Variants in CAMK4 observed in about 807,000 individuals in gnomAD.
CAMK4 encodes calcium/calmodulin dependent protein kinase IV.
Under a neutral mutation model 44.9 loss-of-function variants are expected in CAMK4, and 22 were observed. The ratio of observed to expected loss-of-function variants is 0.49; its 90% CI spans 0.35 to 0.70. CAMK4 has a LOEUF of 0.70. CAMK4 is among the 30% of genes least tolerant of loss of function. The probability of loss-of-function intolerance (pLI) is 0.01; values close to 1 mark genes in which losing one functional copy is unlikely to be tolerated. For synonymous variants in CAMK4, 218 were observed against 215.4 expected (o/e 1.01, Z -0.11); for missense variants, 498 against 586.8 (o/e 0.85, Z 1.56).
At chr5:111,448,293 C>T (rs530856545) in intron 6 of CAMK4, among the ~76,000 whole-genome samples, 1 of 152,148 alleles carries the variant, frequency 6.6e-6, no homozygotes, top group South Asian at 2.1e-4. Context: ...AAGTGAAATA[C>T]ATTGGAGACT....
intron 1 of CAMK4, among the ~76,000 whole-genome samples, chr5:111,252,437 C>G (rs1749544871): frequency 6.6e-6 from 1 of 152,080 alleles, no homozygotes; most frequent in Non-Finnish European, 1.5e-5. Context: ...TATGATATGA[C>G]CAGCATTTTC....
chr5:111,350,632 C>T (rs901089764), intron 2 of CAMK4, among the ~76,000 whole-genome samples: 1 of 151,886 alleles, frequency 6.6e-6, no homozygotes, highest in Non-Finnish European at 1.5e-5. Flanking sequence ...AATAGAAAAA[C>T]GGTTCCAGGT....
intron 1 of CAMK4, among the ~76,000 whole-genome samples, chr5:111,296,088 A>G (rs1382673528): frequency 1.3e-5 from 2 of 152,228 alleles, no homozygotes; most frequent in Non-Finnish European, 2.9e-5. Flanking sequence ...AAAACAAGTA[A>G]TAGCCCACAT....
chr5:111,234,342 A>C (rs1748619323), intron 1 of CAMK4, among the ~76,000 whole-genome samples: 1 of 152,146 alleles, frequency 6.6e-6, no homozygotes, highest in African/African-American at 2.4e-5. Context: ...TTTTGATAAG[A>C]ACTTACTGCC....
intron 1 of CAMK4, among the ~76,000 whole-genome samples, chr5:111,257,301 A>G (rs1213687179): frequency 6.6e-6 from 1 of 152,244 alleles, no homozygotes; most frequent in Non-Finnish European, 1.5e-5. Flanking sequence ...AAACAAATTT[A>G]CAAGAAAAAA....
chr5:111,321,250 A>G (rs1269887644), intron 1 of CAMK4, among the ~76,000 whole-genome samples: 8 of 152,122 alleles, frequency 5.3e-5, no homozygotes, highest in East Asian at 1.9e-4. Context: ...GGTCTCACCA[A>G]TGCTGCTGGA....
chr5:111,350,917 C>A (rs917875361), intron 2 of CAMK4, among the ~76,000 whole-genome samples: 1 of 152,022 alleles, frequency 6.6e-6, no homozygotes, highest in Non-Finnish European at 1.5e-5. Flanking sequence ...TGTTGCAGGG[C>A]AATCTGAAGA....
At chr5:111,286,273 A>G (rs763575785) in intron 1 of CAMK4, among the ~76,000 whole-genome samples, 2 of 152,212 alleles carry the variant, frequency 1.3e-5, no homozygotes, top group African/African-American at 2.4e-5. Context: ...AAATAGAGCT[A>G]CAGAGAGAGT....
chr5:111,261,663 A>C (rs1749983693), intron 1 of CAMK4, among the ~76,000 whole-genome samples: 1 of 151,846 alleles, frequency 6.6e-6, no homozygotes, highest in Non-Finnish European at 1.5e-5. Flanking sequence ...TATCATGCAA[A>C]AGTTGGAGAG....
At chr5:111,328,490 G>A (rs534151980) in intron 1 of CAMK4, among the ~76,000 whole-genome samples, 1 of 152,176 alleles carries the variant, frequency 6.6e-6, no homozygotes, top group South Asian at 2.1e-4. Flanking sequence ...ACTTGGCGAT[G>A]CGGGCTCTTT....
intron 5 of CAMK4, among the ~76,000 whole-genome samples, chr5:111,419,938 G>A (rs1161108206): frequency 6.6e-6 from 1 of 152,078 alleles, no homozygotes; most frequent in Non-Finnish European, 1.5e-5. Context: ...CTCTTTTTTG[G>A]TTCCATATGA....
At chr5:111,437,105 C>T (rs1753672944) in intron 5 of CAMK4, among the ~76,000 whole-genome samples, 1 of 152,134 alleles carries the variant, frequency 6.6e-6, no homozygotes, top group Non-Finnish European at 1.5e-5. Flanking sequence ...ACTCAATAAG[C>T]ACCACTGAGG....
At chr5:111,374,762 C>A in intron 2 of CAMK4, 88 bp from the exon 3 acceptor site, 1 of 802,200 alleles carries the variant, frequency 1.2e-6, no homozygotes, top group South Asian at 1.4e-5. Flanking sequence ...TTGCCTGATT[C>A]ACCCAGGTAG....
intron 5 of CAMK4, 56 bp from the exon 6 acceptor site, chr5:111,446,630 C>T (rs981392205): frequency 4.7e-6 from 4 of 859,676 alleles, no homozygotes; most frequent in African/African-American, 3.4e-5. Context: ...TAAGTATAGA[C>T]ATTCGAACCA....
intron 7 of CAMK4, among the ~76,000 whole-genome samples, chr5:111,450,169 A>G (rs946551652): frequency 6.6e-5 from 10 of 152,048 alleles, no homozygotes; most frequent in African/African-American, 2.2e-4. Context: ...AAAAAAATAA[A>G]TAAAATAAAA....
At chr5:111,244,380 T>G (rs1749140505) in intron 1 of CAMK4, among the ~76,000 whole-genome samples, 1 of 152,206 alleles carries the variant, frequency 6.6e-6, no homozygotes, top group Non-Finnish European at 1.5e-5. Context: ...GTGTTCACCT[T>G]GTAAAAAATC....
In CAMK4 at chr5:111,485,016, G is replaced by A. The variant is rs887428734; in HGVS notation, c.*550G>A. 6 of 152,182 alleles carry A rather than the reference G, an allele frequency of 3.9e-5. No individual in the cohort carries two copies. Among genetic ancestry groups the A allele is most frequent in the African/African-American group, 9.7e-5 (4 of 41,434 alleles). 9.4% of individuals were successfully genotyped at this position (152,182 alleles called of 1,614,324 possible). On this transcript the variant is annotated 3_prime_UTR_variant, in exon 11 of 11. Coordinates refer to ENST00000282356, the MANE Select transcript of CAMK4 (RefSeq NM_001744.6). ...CCACTTGCAATGGTAAGAAATTGAA[G>A]TATCCTTAAAGGCCATGAAGCCATA...
intron 5 of CAMK4, among the ~76,000 whole-genome samples, chr5:111,431,306 A>T (rs572116760): frequency 1.8e-4 from 28 of 152,190 alleles, no homozygotes; most frequent in African/African-American, 6.8e-4. Context: ...CTGGATATCC[A>T]TATGCAAAAG....
chr5:111,435,049 TAG>T (rs1319545211), intron 5 of CAMK4, among the ~76,000 whole-genome samples: 2 of 152,180 alleles, frequency 1.3e-5, no homozygotes, highest in Non-Finnish European at 2.9e-5. Context: ...TGTTAGACCG[TAG>T]AGAGAGTTTA....
Sources: allele counts gnomAD v4.1 joint callset (sites outside exome capture counted in the v4.1 genomes callset), GRCh38; gene constraint gnomAD v4.1.1; transcripts MANE v1.5; gene names NCBI Gene and HGNC (gene_info 2026-07-23, HGNC 2026-07-21).